Variants in KDM4D observed in about 807,000 individuals in gnomAD.
KDM4D encodes the protein lysine demethylase 4D.
For missense variants in KDM4D, 427 were observed against 674.8 expected (o/e 0.63, Z 4.07); for synonymous variants, 254 against 249.1 (o/e 1.02, Z -0.19).
In KDM4D at chr11:94,999,045, T is replaced by A; in HGVS notation, c.*101T>A. On this transcript the variant is annotated 3_prime_UTR_variant, in exon 3 of 3. Transcript: ENST00000335080. ...AACTTTGGTTGAGTTTGCAGGACTC[T>A]AGGCATGCATGAAAGAGCCCCCCTG... The A allele has an allele frequency of 8.6e-7, 1 of 1,160,824 alleles. No homozygotes were observed. The highest frequency in any genetic ancestry group is 1.1e-6 in the Non-Finnish European group (1 of 871,520). The allele number at this position is 1,160,824 out of a possible 1,614,324, so 71.9% of individuals were successfully genotyped here.
chr11:94,976,818 T>C (rs587683922), intron 2 of KDM4D, among the ~76,000 whole-genome samples: 91 of 152,164 alleles, frequency 6.0e-4, no homozygotes, highest in African/African-American at 2.1e-3. Flanking sequence ...ATAGAAACCA[T>C]AAAAACCTAA....
intron 2 of KDM4D, among the ~76,000 whole-genome samples, chr11:94,979,873 C>T (rs1857830008): frequency 6.6e-6 from 1 of 152,160 alleles, no homozygotes; most frequent in African/African-American, 2.4e-5. Context: ...AATCTCACCA[C>T]ACTTGATTGT....
At chr11:94,981,639 ACTT>A (rs1857843884) in intron 2 of KDM4D, among the ~76,000 whole-genome samples, 1 of 151,702 alleles carries the variant, frequency 6.6e-6, no homozygotes, top group Non-Finnish European at 1.5e-5. Flanking sequence ...AGTTGTTTAT[ACTT>A]CTTTGTTGTC....
At chr11:94,978,151 C>T (rs1249866584) in intron 2 of KDM4D, among the ~76,000 whole-genome samples, 4 of 152,136 alleles carry the variant, frequency 2.6e-5, no homozygotes, top group African/African-American at 9.7e-5. Context: ...CAGCCCTAAT[C>T]CAATCACAAC....
At position 94,997,149 on chromosome 11, in the gene KDM4D, A is replaced by T. The variant is rs587601117; in HGVS notation, c.-224A>T. On this transcript the variant is annotated 5_prime_UTR_variant, in exon 3 of 3. Transcript: ENST00000335080. ...CGAAACATAACAGAGTTGCAGGATC[A>T]GCTAACGTCAATGCCTGGGCAAAGC... 2 of 401,690 alleles carry T rather than the reference A, an allele frequency of 5.0e-6. No homozygotes were observed. Among genetic ancestry groups the T allele is most frequent in the Non-Finnish European group, 8.8e-6 (2 of 227,946 alleles). The allele number at this position is 401,690 out of a possible 1,614,324, so 24.9% of individuals were successfully genotyped here. A position where few individuals can be genotyped will look rare whatever the true frequency, so the allele number is the denominator to read the frequency against.
rs79123182 is a variant in KDM4D, at chr11:94,990,696, T to A, written c.-349-6328T>A. 2.9e-3 allele frequency among the ~76,000 whole-genome samples: 449 copies of A among 152,280 alleles called. 3 individuals are homozygous for A. The highest frequency in any genetic ancestry group is 0.01 in the African/African-American group (434 of 41,538). On this transcript the variant is annotated intron_variant, in intron 2 of 2. Coordinates refer to ENST00000335080, the MANE Select transcript of KDM4D (RefSeq NM_018039.3). ...AGCAGATGGACAAGTGTAAACTGAT[T>A]TATCAAACACTGGAAAGTTGAGTCC...
At chr11:94,984,093 T>C (rs1426444651) in intron 2 of KDM4D, among the ~76,000 whole-genome samples, 4 of 152,168 alleles carry the variant, frequency 2.6e-5, no homozygotes, top group Non-Finnish European at 5.9e-5. Flanking sequence ...AGACCATATA[T>C]AGTGTATGTA....
intron 2 of KDM4D, among the ~76,000 whole-genome samples, chr11:94,980,990 G>C (rs1355914217): frequency 6.6e-6 from 1 of 152,000 alleles, no homozygotes; most frequent in African/African-American, 2.4e-5. Context: ...TCTTTTTCCT[G>C]ATCTGCAAGG....
In KDM4D at chr11:94,999,068, CT is replaced by C. The variant is rs1454248931; in HGVS notation, c.*125del. 5 of 897,486 alleles carry C rather than the reference CT, an allele frequency of 5.6e-6. No individual in the cohort carries two copies. Among genetic ancestry groups the C allele is most frequent in the Non-Finnish European group, 7.8e-6 (5 of 641,096 alleles). 55.6% of individuals were successfully genotyped at this position (897,486 alleles called of 1,614,324 possible). ...TCTAGGCATGCATGAAAGAGCCCCC[CT>C]GGTGATGCCCTTGGATGCTGCCAAG... On this transcript the variant is annotated 3_prime_UTR_variant, in exon 3 of 3. Transcript: ENST00000335080.
chr11:94,981,403 A>G (rs1437109242), intron 2 of KDM4D, among the ~76,000 whole-genome samples: 7 of 152,012 alleles, frequency 4.6e-5, no homozygotes, highest in Non-Finnish European at 1.0e-4. Context: ...TTCTCTGAGA[A>G]AATTTATCTA....
chr11:94,977,062 T>TA (rs57715535), intron 2 of KDM4D, among the ~76,000 whole-genome samples: 92,250 of 151,872 alleles, frequency 0.61, 28,648 homozygotes, highest in Middle Eastern at 0.73. Flanking sequence ...ACACATAATA[T>TA]AAAAATCACA....
At position 94,998,486 on chromosome 11, in the gene KDM4D, C is replaced by G; in HGVS notation, c.1114C>G (p.Leu372Val). The G allele has an allele frequency of 6.2e-7, 1 of 1,612,440 alleles. No homozygotes were observed. The highest frequency in any genetic ancestry group is 8.5e-7 in the Non-Finnish European group (1 of 1,180,016). ...AGTCCAGTTACCCAGGAGAGCAGCG[C>G]TGGGCCTGAGACAACTCCCTTCCCA... is the stretch of plus-strand genomic sequence containing the variant. ...KEVQLPRRAA[L>V]GLRQLPSHWA... The change falls in exon 3 of 3, where the codon CTG becomes GTG. Residue 372 changes from leucine to valine, a missense_variant. By Grantham distance (32) the Leu-to-Val change is conservative. Transcript: ENST00000335080. This position sits in a 1 kb window ranked among gnomAD's most constrained non-coding sequence, Gnocchi z 6.7.
intron 2 of KDM4D, among the ~76,000 whole-genome samples, chr11:94,992,769 G>A (rs782295728): frequency 1.3e-5 from 2 of 152,002 alleles, no homozygotes; most frequent in Non-Finnish European, 2.9e-5. Flanking sequence ...AGTAATAATC[G>A]TGCAAAAGTA....
chr11:94,997,877 G>A lies in KDM4D; in HGVS notation c.505G>A (p.Gly169Arg), dbSNP rs1857988425. The A allele has an allele frequency of 6.2e-7, 1 of 1,614,112 alleles. No homozygotes were observed. The highest frequency in any genetic ancestry group is 1.3e-5 in the African/African-American group (1 of 74,932). The stretch of plus-strand genomic sequence containing the variant: ...TCAGGACCTGCTGGAAAAGGAATGT[G>A]GGGTTGTCATAGAAGGCGTCAATAC... ...TIQDLLEKEC[G>R]VVIEGVNTPY... Residue 169 changes from glycine (G) to arginine (R), a missense_variant, in exon 3 of 3, where the codon GGG (glycine) becomes AGG (arginine). Gly to Arg is a moderately radical substitution (Grantham distance 125). Transcript: ENST00000335080.
At position 94,998,580 on chromosome 11, in the gene KDM4D, C is replaced by T. The variant is rs1439665514; in HGVS notation, c.1208C>T (p.Ser403Phe). The change falls in exon 3 of 3, where the codon TCT (serine) becomes TTT (phenylalanine). Residue 403 changes from serine to phenylalanine, a missense_variant. By Grantham distance (155) the Ser-to-Phe change is radical. Transcript: ENST00000335080. This position sits in a 1 kb window ranked among gnomAD's most constrained non-coding sequence, Gnocchi z 6.7. ...SGTRCHTLVCSSLPRRSAVSG... is the reference protein window; with the variant it reads ...SGTRCHTLVCFSLPRRSAVSG... ...ACACGGTGCCACACCCTTGTGTGCTCTTCACTCCCACGCCGATCTGCAGTT... is the reference window on the plus strand; with the variant it reads ...ACACGGTGCCACACCCTTGTGTGCTTTTCACTCCCACGCCGATCTGCAGTT... 2 of 1,613,886 alleles carry T rather than the reference C, an allele frequency of 1.2e-6. No individual in the cohort carries two copies. The highest frequency in any genetic ancestry group is 3.3e-5 in the Admixed American group (2 of 60,030).
chr11:94,980,111 A>G (rs751517635), intron 2 of KDM4D, among the ~76,000 whole-genome samples: 5 of 152,156 alleles, frequency 3.3e-5, no homozygotes, highest in Non-Finnish European at 7.3e-5. Flanking sequence ...TGCATATACA[A>G]TTTGCCACTT....
chr11:94,977,008 G>C (rs1315673265), intron 2 of KDM4D, among the ~76,000 whole-genome samples: 2 of 152,074 alleles, frequency 1.3e-5, no homozygotes, highest in Non-Finnish European at 2.9e-5. Flanking sequence ...AATAAATTTT[G>C]TAATGCCTAT....
In KDM4D at chr11:94,998,260, C is replaced by T; in HGVS notation, c.888C>T (p.Ala296=). ...ACTGCGCAGAGGCCATCAATTTTGC[C>T]ACTCCGCGATGGATTGATTATGGCA... ...GFNCAEAINF[A]TPRWIDYGKM... The change falls in exon 3 of 3, where the codon GCC becomes GCT. Residue 296 remains alanine (A), a synonymous_variant. Coordinates refer to ENST00000335080, the MANE Select transcript of KDM4D (RefSeq NM_018039.3). This position sits in a 1 kb window ranked among gnomAD's most constrained non-coding sequence, Gnocchi z 6.7. 6.2e-7 allele frequency: 1 copy of T among 1,614,254 alleles called. No individual in the cohort carries two copies. The highest frequency in any genetic ancestry group is 8.5e-7 in the Non-Finnish European group (1 of 1,180,040).
At chr11:94,992,451 A>C (rs1047916294) in intron 2 of KDM4D, among the ~76,000 whole-genome samples, 76 of 152,090 alleles carry the variant, frequency 5.0e-4, no homozygotes, top group Non-Finnish European at 1.8e-4. Flanking sequence ...TTATGAAAAA[A>C]ATCAAAATCA....
Sources: gnomAD v4.1 joint callset for allele counts (sites outside exome capture counted in the v4.1 genomes callset) on GRCh38, gnomAD v4.1.1 for gene constraint, Gnocchi (gnomAD v3.1) non-coding constraint, MANE v1.5 for transcripts, NCBI Gene and HGNC (gene_info 2026-07-23, HGNC 2026-07-21) for gene names.